Variants in HIVEP2 observed in about 807,000 individuals in gnomAD.
HIVEP2 encodes the protein HIVEP zinc finger 2.
HIVEP2 carries 14 observed loss-of-function variants against 180.7 expected under a neutral mutation model. That is an observed-to-expected ratio of 0.08 (90% CI 0.05 to 0.12). HIVEP2 has a LOEUF of 0.12. Ranked by LOEUF, HIVEP2 falls within the 10% of genes least tolerant of loss-of-function variation. The pLI is 1.00. For missense variants in HIVEP2, 2,579 were observed against 3,008.5 expected (o/e 0.86, Z 3.34); for synonymous variants, 1,184 against 1,136.4 (o/e 1.04, Z -0.84).
chr6:142,933,771 A>G (rs749055374), intron 1 of HIVEP2, among the ~76,000 whole-genome samples: 4 of 152,224 alleles, frequency 2.6e-5, no homozygotes, highest in Non-Finnish European at 4.4e-5. Flanking sequence ...CTGTCAGATT[A>G]TTATTTTAAA....
chr6:142,904,803 T>C (rs1203365994), intron 1 of HIVEP2, among the ~76,000 whole-genome samples: 7 of 152,188 alleles, frequency 4.6e-5, no homozygotes, highest in Non-Finnish European at 1.0e-4. Flanking sequence ...TTTTCATTTA[T>C]CCCGAAGATC....
intron 1 of HIVEP2, among the ~76,000 whole-genome samples, chr6:142,853,754 G>T (rs1273130740): frequency 6.6e-6 from 1 of 152,236 alleles, no homozygotes; most frequent in Admixed American, 6.5e-5. Flanking sequence ...AGGGGCATCA[G>T]TAGGAAGAAT....
At chr6:142,888,103 C>T (rs904650985) in intron 1 of HIVEP2, among the ~76,000 whole-genome samples, 2 of 152,164 alleles carry the variant, frequency 1.3e-5, no homozygotes, top group Non-Finnish European at 2.9e-5. Flanking sequence ...AAATACATCC[C>T]TAGTTCACTA....
chr6:142,786,349 A>G (rs901291868), intron 2 of HIVEP2, among the ~76,000 whole-genome samples: 1 of 152,248 alleles, frequency 6.6e-6, no homozygotes, highest in Non-Finnish European at 1.5e-5. Flanking sequence ...AAAACAAACA[A>G]GTTTTCAGAA....
intron 1 of HIVEP2, among the ~76,000 whole-genome samples, chr6:142,856,894 T>G (rs145287090): frequency 6.6e-6 from 1 of 152,214 alleles, no homozygotes; most frequent in African/African-American, 2.4e-5. Flanking sequence ...GAGACCAACC[T>G]GGACTTCCGT....
chr6:142,859,039 T>C (rs1224562276), intron 1 of HIVEP2, among the ~76,000 whole-genome samples: 1 of 152,194 alleles, frequency 6.6e-6, no homozygotes, highest in Non-Finnish European at 1.5e-5. Context: ...AAGTGCTCAA[T>C]AAACATTTGA....
chr6:142,878,193 T>A (rs889637019), intron 1 of HIVEP2, among the ~76,000 whole-genome samples: 2 of 152,288 alleles, frequency 1.3e-5, no homozygotes, highest in African/African-American at 2.4e-5. Context: ...AAAATCCACA[T>A]GACATTGGCT....
intron 5 of HIVEP2, 46 bp downstream of exon 5, chr6:142,769,506 A>G: frequency 6.6e-7 from 1 of 1,520,620 alleles, no homozygotes; most frequent in Non-Finnish European, 9.1e-7. Flanking sequence ...TCTGCTCAGC[A>G]ATCAAATCCA....
At chr6:142,920,294 C>T (rs1024071637) in intron 1 of HIVEP2, among the ~76,000 whole-genome samples, 37 of 152,202 alleles carry the variant, frequency 2.4e-4, no homozygotes, top group Non-Finnish European at 8.8e-5. Context: ...CTTTGTATCT[C>T]CGAAGTCCTG....
intron 1 of HIVEP2, among the ~76,000 whole-genome samples, chr6:142,917,961 A>T (rs1360532652): frequency 1.3e-5 from 2 of 152,048 alleles, no homozygotes; most frequent in Admixed American, 6.6e-5. Flanking sequence ...TTTTTAGTAG[A>T]CAGGTTTTGC....
intron 4 of HIVEP2, among the ~76,000 whole-genome samples, 166 bp downstream of exon 4, chr6:142,775,981 C>T (rs1455234269): frequency 1.3e-5 from 2 of 151,614 alleles, no homozygotes; most frequent in Admixed American, 6.6e-5. Flanking sequence ...CTATATTTTA[C>T]AGCTTAAAAT....
At chr6:142,801,674 A>G (rs1458295327) in intron 2 of HIVEP2, among the ~76,000 whole-genome samples, 1 of 152,112 alleles carries the variant, frequency 6.6e-6, no homozygotes, top group Admixed American at 6.6e-5. Context: ...AATGGACACA[A>G]TAATTCCTGC....
intron 1 of HIVEP2, among the ~76,000 whole-genome samples, chr6:142,854,150 T>C (rs915188470): frequency 3.3e-5 from 5 of 152,192 alleles, no homozygotes; most frequent in Non-Finnish European, 5.9e-5. Context: ...ATTGTTAGCC[T>C]GTGGTAGTTC....
intron 6 of HIVEP2, 47 bp downstream of exon 6, chr6:142,768,335 C>T (rs534515511): frequency 9.0e-6 from 14 of 1,561,110 alleles, no homozygotes; most frequent in African/African-American, 1.4e-5. Context: ...GGACCATTTA[C>T]TCTGACCTAT....
intron 7 of HIVEP2, among the ~76,000 whole-genome samples, chr6:142,762,418 C>T (rs1375931364): frequency 1.3e-5 from 2 of 150,276 alleles, no homozygotes; most frequent in African/African-American, 4.9e-5. Flanking sequence ...AAACATTGTT[C>T]CAATCCTCGT....
chr6:142,905,171 CT>C (rs1420594670), intron 1 of HIVEP2, among the ~76,000 whole-genome samples: 47 of 152,246 alleles, frequency 3.1e-4, no homozygotes, highest in African/African-American at 1.1e-3. Flanking sequence ...ATTCCCATCT[CT>C]AAATAAGAGT....
At chr6:142,938,174 A>C (rs1778099135) in intron 1 of HIVEP2, among the ~76,000 whole-genome samples, 1 of 152,150 alleles carries the variant, frequency 6.6e-6, no homozygotes. Context: ...TTTTCACAGA[A>C]AGTTAATTGC....
chr6:142,921,334 G>A (rs1459380473), intron 1 of HIVEP2, among the ~76,000 whole-genome samples: 8 of 152,220 alleles, frequency 5.3e-5, no homozygotes, highest in East Asian at 3.9e-4. Flanking sequence ...CCAGGAGTTC[G>A]AGACCAGCCT....
rs1198574388 is a variant in HIVEP2, at chr6:142,753,276, T to A, written c.7172A>T (p.Asp2391Val). ...TGTACCAAAATTGTCCTTTTCACCA[T>A]CATGCAAGTCAGGGTGGGTGGCTGA... The part of the protein sequence containing the change: ...CTSATHPDLH[D>V]GEKDNFGTSQ... The change falls in exon 10 of 10, where the codon GAT becomes GTT. Residue 2391 changes from aspartate (D) to valine (V), a missense_variant. Asp to Val is a radical substitution (Grantham distance 152, BLOSUM62 -3). Around this residue, in one of 11 missense-constraint regions of HIVEP2, gnomAD observed 660 missense variants for 731.7 expected, o/e 0.90. Coordinates refer to ENST00000367603, the MANE Select transcript of HIVEP2 (RefSeq NM_006734.4). The A allele has an allele frequency of 6.2e-7, 1 of 1,614,208 alleles. No homozygotes were observed. The highest frequency in any genetic ancestry group is 1.7e-5 in the Admixed American group (1 of 60,026).
Sources: allele counts gnomAD v4.1 joint callset (sites outside exome capture counted in the v4.1 genomes callset), GRCh38; gene constraint gnomAD v4.1.1; regional missense constraint gnomAD v4.1.1; transcripts MANE v1.5; gene names NCBI Gene and HGNC (gene_info 2026-07-23, HGNC 2026-07-21).